The following ZNF320 variants were observed in gnomAD, a reference collection of about 807,000 sequenced individuals.
ZNF320 encodes zinc finger gene 320.
In ZNF320, 2 loss-of-function variants were observed where a neutral mutation model predicts 6.8. The observed-to-expected ratio is 0.29, with a 90% confidence interval of 0.12 to 0.93. The LOEUF is 0.93. Ranked by LOEUF, ZNF320 falls within the 40% of genes least tolerant of loss-of-function variation. The probability of loss-of-function intolerance (pLI) is 0.55; values close to 1 mark genes in which losing one functional copy is unlikely to be tolerated. For synonymous variants in ZNF320, 208 were observed against 203.2 expected (o/e 1.02, Z -0.20); for missense variants, 472 against 611.0 (o/e 0.77, Z 2.40).
upstream of ZNF320, among the ~76,000 whole-genome samples, chr19:52,898,471 G>A (rs900358448): frequency 3.9e-5 from 6 of 152,236 alleles, no homozygotes; most frequent in African/African-American, 4.8e-5. Context: ...TCCTTCCTCC[G>A]CCTCAATAAG....
At chr19:52,872,334 C>T (rs2063694073), downstream of ZNF320, among the ~76,000 whole-genome samples, 1 of 152,130 alleles carries the variant, frequency 6.6e-6, no homozygotes, top group African/African-American at 2.4e-5. Context: ...CTGAAGGGGG[C>T]CTGCCCCTCC....
chr19:52,892,941 C>G (rs1046709184), intron 2 of ZNF320, among the ~76,000 whole-genome samples: 4 of 151,216 alleles, frequency 2.6e-5, no homozygotes, highest in Admixed American at 6.6e-5. Flanking sequence ...TGTCCTTCAT[C>G]TCTCTGTACA....
At chr19:52,862,406 G>A (rs2063491319) in exon 6 of ZNF320, 2 of 451,840 alleles carry the variant, frequency 4.4e-6, no homozygotes, top group Admixed American at 2.6e-5. Context: ...ATTTACGACT[G>A]AAAACTTTGT....
chr19:52,868,396 C>T (rs986622012), intron 5 of ZNF320, among the ~76,000 whole-genome samples: 4 of 151,816 alleles, frequency 2.6e-5, no homozygotes, highest in Non-Finnish European at 5.9e-5. Context: ...ATCCCAGCTA[C>T]TTGGGAGCCT....
At chr19:52,892,959 T>C (rs1368825849) in intron 2 of ZNF320, among the ~76,000 whole-genome samples, 5 of 152,168 alleles carry the variant, frequency 3.3e-5, no homozygotes, top group South Asian at 2.1e-4. Context: ...ACATCTAGCT[T>C]TTCTCTACAT....
rs939258421 is a variant in ZNF320 at position 52,890,107 on chromosome 19, T to C, written c.15+134A>G. 2.3e-5 allele frequency: 32 copies of C among 1,392,482 alleles called. No individual in the cohort carries two copies. The African/African-American group carries it at 4.0e-4, about 17-fold the overall frequency. 86.3% of individuals were successfully genotyped at this position (1,392,482 alleles called of 1,614,324 possible). Reference sequence around the variant, plus strand: ...AAAATCTAAGTGAGATAAGAGGGACTGAGGGAAGGCATGGGTGATTGTGAG... The same window carrying C: ...AAAATCTAAGTGAGATAAGAGGGACCGAGGGAAGGCATGGGTGATTGTGAG... On this transcript the variant is annotated intron_variant, in intron 4 of 5. Coordinates refer to ENST00000682928, the MANE Select transcript of ZNF320 (RefSeq NM_001351774.2).
intron 3 of ZNF320, among the ~76,000 whole-genome samples, chr19:52,890,870 G>A (rs193172155): frequency 0.01 from 1,564 of 151,640 alleles, 11 homozygotes; most frequent in Middle Eastern, 0.02. Flanking sequence ...CAAAAATTGG[G>A]CCGGGCGCGG....
chr19:52,892,601 A>G (rs938212714), intron 2 of ZNF320, among the ~76,000 whole-genome samples: 1 of 152,088 alleles, frequency 6.6e-6, no homozygotes, highest in African/African-American at 2.4e-5. Flanking sequence ...AAATACAAAA[A>G]TTAGCCAGGC....
Position 52,880,173 on chromosome 19 carries a change from C to G in ZNF320, c.*423G>C, listed in dbSNP as rs1041261975. On this transcript the variant is annotated 3_prime_UTR_variant, in exon 6 of 6. Coordinates refer to ENST00000682928, the MANE Select transcript of ZNF320 (RefSeq NM_001351774.2). ...ACCATCCTAGCTAACACGGTGAAAC[C>G]CAGTCTCTACTAAAAATACAAAAAA... 3.2e-5 allele frequency: 5 copies of G among 155,296 alleles called. No homozygotes were observed. Among genetic ancestry groups the G allele is most frequent in the African/African-American group, 1.2e-4 (5 of 41,390 alleles). The allele number at this position is 155,296 out of a possible 1,614,324, so 9.6% of individuals were successfully genotyped here. A position where few individuals can be genotyped will look rare whatever the true frequency, so the allele number is the denominator to read the frequency against.
At chr19:52,861,752 C>A in exon 6 of ZNF320, 2 of 333,230 alleles carry the variant, frequency 6.0e-6, no homozygotes, top group South Asian at 3.1e-5. Context: ...ATACTCATTG[C>A]CTGTGCATCA....
intron 2 of ZNF320, chr19:52,893,244 C>A (rs538064424): frequency 1.3e-5 from 2 of 152,190 alleles, no homozygotes; most frequent in South Asian, 4.2e-4. Context: ...ACCATATAGG[C>A]CCCAGGCACC....
At chr19:52,865,434 T>TTATTTTTATATATATATATATATATATA (rs1555814107) in intron 5 of ZNF320, 1 of 152,784 alleles carries the variant, frequency 6.5e-6, no homozygotes, top group African/African-American at 3.2e-5. Context: ...GGTCCAGGCT[T>TTATTTTTATATATATATATATATATATA]TATATATATA....
chr19:52,881,171 G>A lies in ZNF320; in HGVS notation c.955C>T (p.His319Tyr). ...VFKQRATLAGHRRVHTGEKPY... is the reference protein window; with the variant it reads ...VFKQRATLAGYRRVHTGEKPY... ...TTCTCTCCAGTGTGAACTCTACGAT[G>A]TCCTGCAAGAGTTGCTCGTTGCTTA... Residue 319 changes from histidine (H) to tyrosine (Y), a missense_variant, in exon 6 of 6, where the codon CAT becomes TAT. Around this residue, in one of 2 missense-constraint regions of ZNF320, gnomAD observed 462 missense variants for 559.7 expected, o/e 0.83. Coordinates refer to ENST00000682928, the MANE Select transcript of ZNF320 (RefSeq NM_001351774.2). 1 of 1,614,150 alleles carries A rather than the reference G, an allele frequency of 6.2e-7. No homozygotes were observed. Among genetic ancestry groups the A allele is most frequent in the Non-Finnish European group, 8.5e-7 (1 of 1,180,034 alleles).
intron 5 of ZNF320, among the ~76,000 whole-genome samples, chr19:52,884,520 A>T (rs942947258): frequency 2.0e-5 from 3 of 152,138 alleles, no homozygotes; most frequent in Non-Finnish European, 4.4e-5. Flanking sequence ...GTTTTACCAT[A>T]TTGGCCAGGC....
upstream of ZNF320, among the ~76,000 whole-genome samples, chr19:52,902,380 C>T (rs576906599): frequency 7.2e-5 from 11 of 152,358 alleles, no homozygotes; most frequent in African/African-American, 2.6e-4. Context: ...TGGTCAACTA[C>T]AGGACCACCT....
At chr19:52,863,178 T>G (rs2063495952) in exon 6 of ZNF320, among the ~76,000 whole-genome samples, 1 of 152,158 alleles carries the variant, frequency 6.6e-6, no homozygotes, top group African/African-American at 2.4e-5. Context: ...CAGACTGGTC[T>G]CGAACTCCTT....
Position 52,868,670 on chromosome 19 carries a change from A to G in ZNF320, c.224-4511T>C, listed in dbSNP as rs116097661. ...TGAAGGATCCCACGACATGTTTCTA[A>G]GCAAAATAGTCCACCAAGAAAGTAC... is the stretch of plus-strand genomic sequence containing the variant. On this transcript the variant is annotated intron_variant, in intron 5 of 5. Transcript: ENST00000673631. Among the ~76,000 whole-genome samples the G allele has an allele frequency of 1.0e-3, 153 of 152,268 alleles. 1 individual carries two copies. Among genetic ancestry groups the G allele is most frequent in the African/African-American group, 3.6e-3 (148 of 41,554 alleles).
In ZNF320 at chr19:52,891,361, GA is replaced by G. The variant is rs909503269; in HGVS notation, c.-191-16del. Reference sequence around the variant, plus strand: ...AGAGTGAGACTCTGTTTGAGGAAGAGAAAAAAAAAAGCGTTTCTGATGTGAT... The same window carrying G: ...AGAGTGAGACTCTGTTTGAGGAAGAGAAAAAAAAAGCGTTTCTGATGTGAT... On this transcript the variant is annotated splice_polypyrimidine_tract_variant and intron_variant, in intron 2 of 5. Coordinates refer to ENST00000682928, the MANE Select transcript of ZNF320 (RefSeq NM_001351774.2). 3.4e-5 allele frequency: 5 copies of G among 145,234 alleles called. No homozygotes were observed. The highest frequency in any genetic ancestry group is 3.0e-5 in the Non-Finnish European group (2 of 66,230). The allele number at this position is 145,234 out of a possible 1,614,324, so 9.0% of individuals were successfully genotyped here. A position where few individuals can be genotyped will look rare whatever the true frequency, so the allele number is the denominator to read the frequency against.
chr19:52,873,062 C>A (rs1408568494), downstream of ZNF320, among the ~76,000 whole-genome samples: 3 of 152,198 alleles, frequency 2.0e-5, no homozygotes, highest in East Asian at 5.8e-4. Context: ...CGGTTTTCTC[C>A]TATCTCAGTA....
Sources: gnomAD v4.1 joint callset for allele counts (sites outside exome capture counted in the v4.1 genomes callset) on GRCh38, gnomAD v4.1.1 for gene constraint, gnomAD v4.1.1 regional missense constraint, MANE v1.5 for transcripts, NCBI Gene and HGNC (gene_info 2026-07-23, HGNC 2026-07-21) for gene names.